Variants in ELMOD1 observed in about 807,000 individuals in gnomAD.
ELMOD1 encodes ELMO domain containing 1.
Under a neutral mutation model 46.7 loss-of-function variants are expected in ELMOD1, and 21 were observed. The ratio of observed to expected loss-of-function variants is 0.45; its 90% confidence interval spans 0.32 to 0.65. The LOEUF (loss-of-function observed/expected upper bound fraction) is 0.65, where lower values mean the gene tolerates loss of function less well. Among genes scored for constraint, ELMOD1 ranks in the 30% least tolerant of loss-of-function variants. The pLI is 0.04. For synonymous variants in ELMOD1, 122 were observed against 138.2 expected, an observed-to-expected ratio of 0.88 and a Z score of 0.82; for missense variants, 348 against 407.8, an observed-to-expected ratio of 0.85 and a Z score of 1.26.
At chr11:107,654,919 G>C (rs1311564515) in intron 10 of ELMOD1, among the ~76,000 whole-genome samples, 1 of 151,694 alleles carries the variant, frequency 6.6e-6, no homozygotes, top group South Asian at 2.1e-4. Context: ...TTTTTTCTGT[G>C]CTGGATTTAT....
chr11:107,628,876 G>C (rs1415106448), intron 2 of ELMOD1, among the ~76,000 whole-genome samples: 1 of 151,664 alleles, frequency 6.6e-6, no homozygotes, highest in African/African-American at 2.4e-5. Flanking sequence ...TAACATTTTT[G>C]TTGTGTATCC....
intron 1 of ELMOD1, chr11:107,600,532 A>C (rs1398425781): frequency 1.3e-5 from 2 of 152,212 alleles, no homozygotes; most frequent in Admixed American, 1.3e-4. Flanking sequence ...TGTGTAAAAA[A>C]TATTCTTACC....
At chr11:107,640,227 C>A (rs577443895) in intron 6 of ELMOD1, among the ~76,000 whole-genome samples, 1 of 152,108 alleles carries the variant, frequency 6.6e-6, no homozygotes, top group African/African-American at 2.4e-5. Context: ...AGTATTTTAG[C>A]ATAATGGGCT....
chr11:107,597,179 C>A (rs1865505626), intron 1 of ELMOD1, among the ~76,000 whole-genome samples: 1 of 152,098 alleles, frequency 6.6e-6, no homozygotes, highest in East Asian at 1.9e-4. Context: ...AAGCTCAAAG[C>A]AATAGAGAAT....
In ELMOD1 at chr11:107,593,819, C is replaced by T. The variant is rs182073280; in HGVS notation, c.-86+2410C>T. Among the ~76,000 whole-genome samples the T allele has an allele frequency of 6.6e-4, 100 of 152,204 alleles. No homozygotes were observed. The Middle Eastern group carries it at 0.01, about 16-fold the overall frequency. ...GGGCAGCCTGTATTTTTCTGGCAACCTTAGTTACTGGAAATGTTTCATTCC... is the reference window on the plus strand; with the variant it reads ...GGGCAGCCTGTATTTTTCTGGCAACTTTAGTTACTGGAAATGTTTCATTCC... On this transcript the variant is annotated intron_variant, in intron 1 of 11. Coordinates refer to ENST00000265840, the MANE Select transcript of ELMOD1 (RefSeq NM_018712.4).
At position 107,616,658 on chromosome 11, in the gene ELMOD1, C is replaced by T. The variant is rs566237749; in HGVS notation, c.-85-1447C>T. On this transcript the variant is annotated intron_variant, in intron 1 of 11. Transcript: ENST00000265840. ...TTTCCCAAAGTGCTGGGATTACAGG[C>T]GTGAGCCAGGGTGCCTGGCCTGCTC... Among the ~76,000 whole-genome samples the T allele has an allele frequency of 5.3e-5, 8 of 152,328 alleles. No individual in the cohort carries two copies. In the South Asian group the frequency reaches 1.0e-3, roughly 20 times the overall value.
intron 11 of ELMOD1, among the ~76,000 whole-genome samples, chr11:107,663,672 G>T (rs1866785647): frequency 6.6e-6 from 1 of 152,072 alleles, no homozygotes; most frequent in South Asian, 2.1e-4. Context: ...GGCAGTGAAG[G>T]TCACTCCTAA....
Position 107,651,602 on chromosome 11 carries a change from A to C in ELMOD1, c.647+694A>C, listed in dbSNP as rs905040303. 6.6e-5 allele frequency among the ~76,000 whole-genome samples: 10 copies of C among 152,158 alleles called. No homozygotes were observed. In the South Asian group the frequency reaches 1.2e-3, roughly 19 times the overall value. ...TAATATTTTATACGATTAAAAATTCATTCCTTTAAGAAAAACACTACAATC... is the reference window on the plus strand; with the variant it reads ...TAATATTTTATACGATTAAAAATTCCTTCCTTTAAGAAAAACACTACAATC... On this transcript the variant is annotated intron_variant, in intron 9 of 11. Coordinates refer to ENST00000265840, the MANE Select transcript of ELMOD1 (RefSeq NM_018712.4).
intron 1 of ELMOD1, among the ~76,000 whole-genome samples, chr11:107,611,516 C>T (rs541295540): frequency 1.3e-5 from 2 of 151,944 alleles, no homozygotes; most frequent in East Asian, 1.9e-4. Flanking sequence ...CTGGCTAACA[C>T]GGTGAAACCT....
At chr11:107,628,881 G>A (rs1866089632) in intron 2 of ELMOD1, among the ~76,000 whole-genome samples, 1 of 151,712 alleles carries the variant, frequency 6.6e-6, no homozygotes, top group African/African-American at 2.4e-5. Flanking sequence ...TTTTTGTTGT[G>A]TATCCTGCTT....
intron 11 of ELMOD1, among the ~76,000 whole-genome samples, chr11:107,663,477 TC>T (rs1384088547): frequency 6.8e-6 from 1 of 146,684 alleles, no homozygotes; most frequent in East Asian, 2.0e-4. Flanking sequence ...AGATCTTTCC[TC>T]TAAAAAATTA....
rs7938988 is a variant in ELMOD1, at chr11:107,651,620, C to G, written c.647+712C>G. Among the ~76,000 whole-genome samples the G allele has an allele frequency of 3.8e-3, 571 of 152,008 alleles. 1 individual carries two copies. Among genetic ancestry groups the G allele is most frequent in the African/African-American group, 0.011 (474 of 41,306 alleles). ...AAAATTCATTCCTTTAAGAAAAACA[C>G]TACAATCATTTAGCTCTTTCTTGTT... On this transcript the variant is annotated intron_variant, in intron 9 of 11. Coordinates refer to ENST00000265840, the MANE Select transcript of ELMOD1 (RefSeq NM_018712.4).
chr11:107,592,025 G>A (rs141028593), intron 1 of ELMOD1: 3 of 492,732 alleles, frequency 6.1e-6, no homozygotes, highest in Non-Finnish European at 4.2e-6. Flanking sequence ...GCCGAGTGGG[G>A]AGTGACAGCT....
intron 1 of ELMOD1, among the ~76,000 whole-genome samples, chr11:107,595,739 A>G (rs1389493676): frequency 2.0e-5 from 3 of 152,148 alleles, no homozygotes; most frequent in Admixed American, 6.5e-5. Flanking sequence ...TGAGCAAGTC[A>G]TATTTTATAT....
At chr11:107,613,157 T>TC (rs777220642) in intron 1 of ELMOD1, among the ~76,000 whole-genome samples, 2 of 152,166 alleles carry the variant, frequency 1.3e-5, no homozygotes, top group Non-Finnish European at 2.9e-5. Context: ...AAGTGATTCT[T>TC]CACTTGACAA....
chr11:107,613,800 G>A (rs1865817965), intron 1 of ELMOD1, among the ~76,000 whole-genome samples: 1 of 152,092 alleles, frequency 6.6e-6, no homozygotes, highest in Non-Finnish European at 1.5e-5. Flanking sequence ...ATATCCTAAT[G>A]ACAAAGAGCT....
intron 2 of ELMOD1, among the ~76,000 whole-genome samples, chr11:107,627,076 CAT>C (rs1005984470): frequency 1.3e-5 from 2 of 152,114 alleles, no homozygotes; most frequent in African/African-American, 4.8e-5. Context: ...CCTGTCAAAA[CAT>C]AATTTGATCT....
chr11:107,664,855 T>G (rs1282357859), intron 11 of ELMOD1, among the ~76,000 whole-genome samples, 170 bp from the exon 12 acceptor site: 1 of 152,162 alleles, frequency 6.6e-6, no homozygotes, highest in Non-Finnish European at 1.5e-5. Flanking sequence ...ACTGCACTGA[T>G]TTTAAAGAAT....
intron 7 of ELMOD1, among the ~76,000 whole-genome samples, chr11:107,649,530 A>G (rs1866489554): frequency 6.6e-6 from 1 of 152,232 alleles, no homozygotes. Context: ...GCCAAAAAAT[A>G]TGAACAGACG....
Sources: allele counts gnomAD v4.1 joint callset (sites outside exome capture counted in the v4.1 genomes callset), GRCh38; gene constraint gnomAD v4.1.1; transcripts MANE v1.5; gene names NCBI Gene and HGNC (gene_info 2026-07-23, HGNC 2026-07-21).